ULK4: variants seen among roughly 807,000 people sequenced by gnomAD.
ULK4 encodes the protein inactive serine/threonine-protein kinase ULK4.
Under a neutral mutation model 160.6 loss-of-function variants are expected in ULK4, and 133 were observed. The ratio of observed to expected loss-of-function variants is 0.83; its 90% CI spans 0.72 to 0.96. ULK4 has a LOEUF of 0.96. ULK4 is among the 40% of genes least tolerant of loss of function. The probability of loss-of-function intolerance (pLI) is 0.00; values close to 1 mark genes in which losing one functional copy is unlikely to be tolerated. For missense variants in ULK4, 1,580 were observed against 1,499.5 expected, an observed-to-expected ratio of 1.05 and a Z score of -0.89; for synonymous variants, 534 against 539.8, an observed-to-expected ratio of 0.99 and a Z score of 0.15.
rs181282818 is a variant in ULK4 at position 41,923,007 on chromosome 3, A to G, written c.542-3189T>C. Among the ~76,000 whole-genome samples, 531 of 151,864 alleles carry G rather than the reference A, an allele frequency of 3.5e-3. 1 individual carries two copies. Among genetic ancestry groups the G allele is most frequent in the Admixed American group, 5.7e-3 (87 of 15,222 alleles). ...GCCAACATAGTGAAACCCCGTCTCTATTAAAAATACAAAAAAATTAGTCAG... is the reference window on the plus strand; with the variant it reads ...GCCAACATAGTGAAACCCCGTCTCTGTTAAAAATACAAAAAAATTAGTCAG... On this transcript the variant is annotated intron_variant, in intron 5 of 36. Transcript: ENST00000301831.
intron 13 of ULK4, among the ~76,000 whole-genome samples, chr3:41,900,235 G>A (rs564798161): frequency 2.6e-5 from 4 of 152,198 alleles, no homozygotes; most frequent in South Asian, 2.1e-4. Context: ...TCTCCCCATC[G>A]TCTCCCCTGC....
chr3:41,542,028 T>C (rs1009555928), intron 32 of ULK4, among the ~76,000 whole-genome samples: 2 of 152,254 alleles, frequency 1.3e-5, no homozygotes, highest in East Asian at 3.9e-4. Flanking sequence ...TGCCTGATTG[T>C]CCTGGCCAGA....
At chr3:41,741,964 C>A (rs922531532) in intron 22 of ULK4, among the ~76,000 whole-genome samples, 2 of 151,748 alleles carry the variant, frequency 1.3e-5, no homozygotes, top group Non-Finnish European at 2.9e-5. Context: ...ACTGTCCCCC[C>A]AAAAAAGTGC....
chr3:41,468,745 G>C (rs1402126238), intron 32 of ULK4, among the ~76,000 whole-genome samples: 1 of 152,172 alleles, frequency 6.6e-6, no homozygotes, highest in East Asian at 1.9e-4. Context: ...TCCAGGAACT[G>C]GGGTTTCTAC....
chr3:41,705,706 G>A (rs1008905930), intron 25 of ULK4, among the ~76,000 whole-genome samples: 1 of 152,008 alleles, frequency 6.6e-6, no homozygotes, highest in Admixed American at 6.6e-5. Context: ...TGTTGGTCAC[G>A]CTGGTCTCAA....
chr3:41,913,471 C>T (rs1252371962), intron 8 of ULK4, among the ~76,000 whole-genome samples: 5 of 152,098 alleles, frequency 3.3e-5, no homozygotes, highest in Non-Finnish European at 7.4e-5. Flanking sequence ...GTGATCCACC[C>T]GCCTCCGCCT....
At chr3:41,287,760 T>C (rs1364856323) in intron 35 of ULK4, among the ~76,000 whole-genome samples, 2 of 152,166 alleles carry the variant, frequency 1.3e-5, no homozygotes, top group Admixed American at 6.5e-5. Context: ...CCTCCTAGCA[T>C]GATATTAACA....
intron 17 of ULK4, among the ~76,000 whole-genome samples, chr3:41,882,797 T>A (rs1697571292): frequency 6.6e-6 from 1 of 152,108 alleles, no homozygotes; most frequent in Non-Finnish European, 1.5e-5. Context: ...AGCTACTCCA[T>A]CTCACTGGAG....
intron 35 of ULK4, among the ~76,000 whole-genome samples, chr3:41,393,354 C>T (rs901924315): frequency 6.6e-6 from 1 of 152,140 alleles, no homozygotes; most frequent in East Asian, 1.9e-4. Context: ...ACTCTAAATG[C>T]TCCTAAAGCT....
At chr3:41,834,421 ATTAGT>A (rs1308966610) in intron 18 of ULK4, among the ~76,000 whole-genome samples, 2 of 152,198 alleles carry the variant, frequency 1.3e-5, no homozygotes, top group Non-Finnish European at 2.9e-5. Flanking sequence ...TCGTAACGAT[ATTAGT>A]TATCAAATTT....
At chr3:41,328,417 G>A (rs1265928788) in intron 35 of ULK4, among the ~76,000 whole-genome samples, 1 of 152,142 alleles carries the variant, frequency 6.6e-6, no homozygotes, top group Non-Finnish European at 1.5e-5. Context: ...CGAGACAGTA[G>A]ACAAAAGAGA....
intron 32 of ULK4, among the ~76,000 whole-genome samples, chr3:41,537,404 C>T (rs1336265597): frequency 6.6e-6 from 1 of 152,112 alleles, no homozygotes; most frequent in East Asian, 1.9e-4. Flanking sequence ...AGGGGTTCTT[C>T]CATAGAAAAA....
chr3:41,391,145 T>G (rs1422879276), intron 35 of ULK4, among the ~76,000 whole-genome samples: 1 of 152,106 alleles, frequency 6.6e-6, no homozygotes, highest in African/African-American at 2.4e-5. Flanking sequence ...TACAACAAAA[T>G]CATTCAAAAA....
intron 35 of ULK4, among the ~76,000 whole-genome samples, chr3:41,252,384 A>G (rs2078757872): frequency 6.6e-6 from 1 of 152,094 alleles, no homozygotes; most frequent in Admixed American, 6.5e-5. Context: ...AATCACTAAC[A>G]CTCTTGAAAC....
At chr3:41,513,131 T>C (rs1313900736) in intron 32 of ULK4, among the ~76,000 whole-genome samples, 2 of 152,138 alleles carry the variant, frequency 1.3e-5, no homozygotes, top group African/African-American at 4.8e-5. Flanking sequence ...ATCTCTCACC[T>C]TATATAAAAA....
rs754956411 is a variant in ULK4, at chr3:41,463,190, TTG to T, written c.3288_3289del (p.Asp1096GlufsTer2). 6.2e-7 allele frequency: 1 copy of T among 1,613,622 alleles called. No individual in the cohort carries two copies. Among genetic ancestry groups the T allele is most frequent in the Non-Finnish European group, 8.5e-7 (1 of 1,179,666 alleles). On this transcript the variant is annotated frameshift_variant, in exon 33 of 37. Coordinates refer to ENST00000301831, the MANE Select transcript of ULK4 (RefSeq NM_017886.4). LOFTEE classifies it high-confidence loss of function. ...AGCTGCCATCTCATTGTTGTTTTTA[TTG>T]TCCACATCCAAGCACAGTGTGGCAG...
intron 35 of ULK4, among the ~76,000 whole-genome samples, chr3:41,306,136 G>A (rs1349972217): frequency 8.9e-6 from 1 of 111,734 alleles, no homozygotes; most frequent in Non-Finnish European, 1.8e-5. Context: ...GGTGGGGGGG[G>A]GGGGTCAGCC....
At chr3:41,370,774 C>A (rs1484655981) in intron 35 of ULK4, among the ~76,000 whole-genome samples, 1 of 152,210 alleles carries the variant, frequency 6.6e-6, no homozygotes, top group Non-Finnish European at 1.5e-5. Context: ...CCAGTGGCGC[C>A]TGGAACGTCA....
intron 35 of ULK4, among the ~76,000 whole-genome samples, chr3:41,255,023 T>C (rs1056069108): frequency 6.6e-6 from 1 of 151,530 alleles, no homozygotes; most frequent in African/African-American, 2.4e-5. Context: ...ACATTAAATG[T>C]AGATTTACCA....
Sources: gnomAD v4.1 joint callset for allele counts (sites outside exome capture counted in the v4.1 genomes callset) on GRCh38, gnomAD v4.1.1 for gene constraint, MANE v1.5 for transcripts, NCBI Gene and HGNC (gene_info 2026-07-23, HGNC 2026-07-21) for gene names.